The following ZNF808 variants were observed in gnomAD, a reference collection of about 807,000 sequenced individuals.
ZNF808 encodes the protein zinc finger protein 808.
ZNF808 carries 5 observed loss-of-function variants against 8.7 expected under a neutral mutation model. That is an observed-to-expected ratio of 0.58 (90% CI 0.30 to 1.21). ZNF808 has a LOEUF of 1.21. ZNF808 is among the 50% of genes most tolerant of loss of function. The pLI, the probability that ZNF808 is intolerant of heterozygous loss-of-function variation, is 0.07. For missense variants in ZNF808, 1,103 were observed against 1,098.4 expected (o/e 1.00, Z -0.06); for synonymous variants, 380 against 366.0 (o/e 1.04, Z -0.44).
In ZNF808 at chr19:52,553,580, C is replaced by G. The variant is rs1430111370; in HGVS notation, c.664C>G (p.Gln222Glu). ...GAATTCTTCATTACTCCCACAAAAA[C>G]AGGAAGTACACATGAGAGAAAAATC... ...PLNSSLLPQKQEVHMREKSFP... is the reference protein window; with the variant it reads ...PLNSSLLPQKEEVHMREKSFP... Residue 222 changes from glutamine to glutamate, a missense_variant, in exon 5 of 5, where the codon CAG (glutamine) becomes GAG (glutamate). Physicochemically the swap from Gln to Glu is conservative, Grantham distance 29 (BLOSUM62 2). Coordinates refer to ENST00000359798, the MANE Select transcript of ZNF808 (RefSeq NM_001039886.4). The G allele has an allele frequency of 6.2e-7, 1 of 1,614,136 alleles. No homozygotes were observed.
downstream of ZNF808, among the ~76,000 whole-genome samples, chr19:52,568,017 G>A (rs940246744): frequency 3.9e-5 from 6 of 152,066 alleles, no homozygotes; most frequent in Non-Finnish European, 5.9e-5. Context: ...TAAATAATTC[G>A]GAACCTTGAG....
intron 3 of ZNF808, among the ~76,000 whole-genome samples, chr19:52,543,844 ATT>A (rs33909825): frequency 0.017 from 2,527 of 147,300 alleles, 79 homozygotes; most frequent in African/African-American, 0.058. Flanking sequence ...CTGTGTCCAA[ATT>A]TTTTTTTTTT....
At chr19:52,567,416 CTTTTTTTTTTCTT>C (rs1194556272), downstream of ZNF808, among the ~76,000 whole-genome samples, 1 of 140,658 alleles carries the variant, frequency 7.1e-6, no homozygotes, top group Non-Finnish European at 1.6e-5. Flanking sequence ...TGGTAGTTTT[CTTTTTTTTTTCTT>C]TTTTTTTTTA....
rs756211075 is a variant in ZNF808 at position 52,553,264 on chromosome 19, G to A, written c.348G>A (p.Gln116=). The A allele has an allele frequency of 1.9e-5, 30 of 1,613,802 alleles. No individual in the cohort carries two copies. The highest frequency in any genetic ancestry group is 2.5e-5 in the Non-Finnish European group (29 of 1,179,974). ...AAGAAATTCATAACATTGAGTTTCA[G>A]TGTCAAGAAGATGAAAGAAATGGCC... ...IEKEIHNIEF[Q]CQEDERNGHE... The change falls in exon 5 of 5, where the codon CAG becomes CAA. Residue 116 remains glutamine, a synonymous_variant. Transcript: ENST00000359798.
chr19:52,538,664 G>A (rs963783203), intron 2 of ZNF808, among the ~76,000 whole-genome samples: 2 of 148,746 alleles, frequency 1.3e-5, no homozygotes, highest in Admixed American at 1.4e-4. Context: ...AAACAGGAGA[G>A]GGGCATAAAA....
At chr19:52,563,889 A>C (rs574973346) in exon 4 of ZNF808, 32 of 268,236 alleles carry the variant, frequency 1.2e-4, no homozygotes, top group East Asian at 5.4e-4. Context: ...CCAGCTACTC[A>C]AGAGGCTGAG....
chr19:52,533,278 G>C (rs1177968779), intron 2 of ZNF808, among the ~76,000 whole-genome samples: 1 of 152,028 alleles, frequency 6.6e-6, no homozygotes, highest in Non-Finnish European at 1.5e-5. Flanking sequence ...CCAGGCTGGA[G>C]TTAAATGGTG....
chr19:52,565,661 G>T (rs147060317), downstream of ZNF808, among the ~76,000 whole-genome samples: 29 of 152,202 alleles, frequency 1.9e-4, no homozygotes, highest in East Asian at 5.6e-3. Flanking sequence ...CCAGCCTAAG[G>T]CATAAGTGAC....
At position 52,547,559 on chromosome 19, in the gene ZNF808, G is replaced by T. The variant is rs1178079266; in HGVS notation, c.111G>T (p.Glu37Asp). 6.2e-7 allele frequency: 1 copy of T among 1,614,084 alleles called. No homozygotes were observed. ...TGGCTATAGAATTCTCATTGGCAGA[G>T]TGGAAATTCCTGAACCCTGCACAGA... is the stretch of plus-strand genomic sequence containing the variant. Reference protein sequence around the residue: ...RDVAIEFSLAEWKFLNPAQRA... With the variant: ...RDVAIEFSLADWKFLNPAQRA... Residue 37 changes from glutamate to aspartate, a missense_variant, in exon 4 of 5, where the codon GAG becomes GAT. Glu to Asp is a conservative substitution (Grantham distance 45, BLOSUM62 2). Coordinates refer to ENST00000359798, the MANE Select transcript of ZNF808 (RefSeq NM_001039886.4).
chr19:52,554,085 C>T lies in ZNF808; in HGVS notation c.1169C>T (p.Thr390Ile). 5 of 1,613,820 alleles carry T rather than the reference C, an allele frequency of 3.1e-6. No homozygotes were observed. Among genetic ancestry groups the T allele is most frequent in the African/African-American group, 1.3e-5 (1 of 74,954 alleles). ...FACHSYLANH[T>I]RIHSGEKTYK... ...TGTCATTCCTATCTGGCAAACCATA[C>T]TAGAATTCATAGTGGAGAGAAAACA... Residue 390 changes from threonine to isoleucine, a missense_variant, in exon 5 of 5, where the codon ACT becomes ATT. Physicochemically the swap from Thr to Ile is moderately conservative, Grantham distance 89. Transcript: ENST00000359798.
At chr19:52,536,930 T>C (rs1333140181) in intron 2 of ZNF808, among the ~76,000 whole-genome samples, 1 of 152,146 alleles carries the variant, frequency 6.6e-6, no homozygotes, top group Non-Finnish European at 1.5e-5. Context: ...CTCATGCCTG[T>C]AATCCCAGCA....
rs775859164 is a variant in ZNF808 at position 52,554,493 on chromosome 19, T to C, written c.1577T>C (p.Leu526Pro). 21 of 1,614,208 alleles carry C rather than the reference T, an allele frequency of 1.3e-5. No homozygotes were observed. The South Asian group carries it at 2.2e-4, about 17-fold the overall frequency. The change falls in exon 5 of 5, where the codon CTT becomes CCT. Residue 526 changes from leucine (L) to proline (P), a missense_variant. Coordinates refer to ENST00000359798, the MANE Select transcript of ZNF808 (RefSeq NM_001039886.4). ...CGNTFRHRAS[L>P]VYHRRLHTLE... ...AATACCTTCCGTCACCGGGCATCCC[T>C]TGTATACCATCGTAGACTTCACACT...
intron 4 of ZNF808, 101 bp downstream of exon 4, chr19:52,547,739 G>GGTTTTTTTTTTTTTTTTTTTTT (rs1491196956): frequency 1.2e-6 from 1 of 843,142 alleles, no homozygotes. Context: ...ATCCATGCTG[G>GGTTTTTTTTTTTTTTTTTTTTT]TTTTTTTTTT....
chr19:52,554,070 A>G lies in ZNF808; in HGVS notation c.1154A>G (p.Tyr385Cys), dbSNP rs781205094. The G allele has an allele frequency of 6.8e-6, 11 of 1,613,972 alleles. No homozygotes were observed. Among genetic ancestry groups the G allele is most frequent in the Non-Finnish European group, 8.5e-6 (10 of 1,180,008 alleles). Reference sequence around the variant, plus strand: ...GAGAAGGCTTTTGCGTGTCATTCCTATCTGGCAAACCATACTAGAATTCAT... The same window carrying G: ...GAGAAGGCTTTTGCGTGTCATTCCTGTCTGGCAAACCATACTAGAATTCAT... ...ICEKAFACHS[Y>C]LANHTRIHSG... Residue 385 changes from tyrosine (Y) to cysteine (C), a missense_variant, in exon 5 of 5, where the codon TAT becomes TGT. Transcript: ENST00000359798.
chr19:52,566,474 T>A (rs138386348), downstream of ZNF808, among the ~76,000 whole-genome samples: 1,498 of 152,242 alleles, frequency 9.8e-3, 24 homozygotes, highest in African/African-American at 0.034. Flanking sequence ...CCAAAAGATA[T>A]ATTTCTAGTA....
rs552034060 is a variant in ZNF808, at chr19:52,531,600, T to C, written c.-121-1308T>C. Among the ~76,000 whole-genome samples the C allele has an allele frequency of 1.8e-4, 28 of 152,298 alleles. No individual in the cohort carries two copies. The East Asian group carries it at 5.4e-3, about 29-fold the overall frequency. ...TCTGCAGGAACATCCTATTGGACAATAAGAACTCTGAACATCGCTTTTGGC... is the reference window on the plus strand; with the variant it reads ...TCTGCAGGAACATCCTATTGGACAACAAGAACTCTGAACATCGCTTTTGGC... On this transcript the variant is annotated intron_variant, in intron 1 of 4. Transcript: ENST00000359798.
intron 3 of ZNF808, among the ~76,000 whole-genome samples, chr19:52,561,471 A>T (rs1460674190): frequency 1.3e-5 from 2 of 151,736 alleles, no homozygotes; most frequent in Non-Finnish European, 2.9e-5. Flanking sequence ...CACTTAGCGT[A>T]TGTGCAAATT....
At chr19:52,533,842 CCAAAAAAAAAAAAA>C (rs973472039) in intron 2 of ZNF808, among the ~76,000 whole-genome samples, 5 of 55,240 alleles carry the variant, frequency 9.1e-5, no homozygotes, top group African/African-American at 3.7e-4. Context: ...GACTCCGTCT[CCAAAAAAAAAAAAA>C]AAAAAAAAAA....
intron 2 of ZNF808, among the ~76,000 whole-genome samples, chr19:52,536,520 T>C (rs1310336265): frequency 1.3e-5 from 2 of 152,066 alleles, no homozygotes; most frequent in Non-Finnish European, 2.9e-5. Context: ...CCCCTCGTGG[T>C]GGGCCCTGCT....
Sources: gnomAD v4.1 joint callset for allele counts (sites outside exome capture counted in the v4.1 genomes callset) on GRCh38, gnomAD v4.1.1 for gene constraint, MANE v1.5 for transcripts, NCBI Gene and HGNC (gene_info 2026-07-23, HGNC 2026-07-21) for gene names.